SPSB1: variants seen among roughly 807,000 people sequenced by gnomAD.
The protein encoded by SPSB1 is splA/ryanodine receptor domain and SOCS box containing 1.
A neutral mutation model predicts 21.2 loss-of-function variants in SPSB1; 8 were observed. That is an observed-to-expected ratio of 0.38 (90% confidence interval 0.22 to 0.68). The LOEUF is 0.68. Ranked by LOEUF, SPSB1 falls within the 30% of genes least tolerant of loss-of-function variation. The probability of loss-of-function intolerance (pLI) is 0.53; values close to 1 mark genes in which losing one functional copy is unlikely to be tolerated. For synonymous variants in SPSB1, 169 were observed against 161.7 expected (o/e 1.05, Z -0.34); for missense variants, 242 against 377.8 (o/e 0.64, Z 2.98).
At chr1:9,335,148 C>A (rs4908846) in intron 1 of SPSB1, among the ~76,000 whole-genome samples, 59,529 of 150,806 alleles carry the variant, frequency 0.39, 12,585 homozygotes, top group Non-Finnish European at 0.5. Context: ...GTAAAATGCA[C>A]CATTTTGTAA....
intron 1 of SPSB1, among the ~76,000 whole-genome samples, chr1:9,320,040 A>G (rs916543587): frequency 1.3e-5 from 2 of 152,154 alleles, no homozygotes; most frequent in Non-Finnish European, 2.9e-5. Context: ...CCCCTGGGCC[A>G]GGTGACTCTT....
chr1:9,315,348 G>A (rs147049251), intron 1 of SPSB1, among the ~76,000 whole-genome samples: 8 of 152,346 alleles, frequency 5.3e-5, no homozygotes, highest in African/African-American at 1.4e-4. Flanking sequence ...GGAAGGCATC[G>A]CAGCAGCAGT....
intron 1 of SPSB1, 161 bp from the exon 2 acceptor site, chr1:9,355,582 A>T (rs759870520): frequency 2.0e-4 from 151 of 740,840 alleles, no homozygotes; most frequent in Non-Finnish European, 2.6e-4. Flanking sequence ...GGAACGGGGG[A>T]TTTCATTCTG....
At chr1:9,337,834 G>A (rs944686267) in intron 1 of SPSB1, among the ~76,000 whole-genome samples, 1 of 152,214 alleles carries the variant, frequency 6.6e-6, no homozygotes, top group Non-Finnish European at 1.5e-5. Flanking sequence ...CATGAAGCCA[G>A]GGCAGCTGCT....
chr1:9,308,203 G>T (rs757093127), intron 1 of SPSB1, among the ~76,000 whole-genome samples: 26 of 152,240 alleles, frequency 1.7e-4, no homozygotes, highest in Non-Finnish European at 1.8e-4. Context: ...GATGACAGAA[G>T]TGTGCTTAGG....
chr1:9,303,562 C>T (rs1003620576), intron 1 of SPSB1, among the ~76,000 whole-genome samples: 9 of 152,180 alleles, frequency 5.9e-5, no homozygotes, highest in Non-Finnish European at 1.0e-4. Flanking sequence ...TGTGTTGAGT[C>T]TATAGCAGTA....
intron 1 of SPSB1, among the ~76,000 whole-genome samples, chr1:9,302,042 C>T (rs1469560588): frequency 1.3e-5 from 2 of 152,240 alleles, no homozygotes; most frequent in Admixed American, 6.5e-5. Context: ...GAGCTCACTT[C>T]ACAACCAAGG....
At chr1:9,358,680 C>A (rs1640416987) in intron 2 of SPSB1, among the ~76,000 whole-genome samples, 1 of 152,212 alleles carries the variant, frequency 6.6e-6, no homozygotes, top group Non-Finnish European at 1.5e-5. Flanking sequence ...GATGAGGGGA[C>A]TGCCAGACCT....
At chr1:9,344,854 A>C (rs1640145589) in intron 1 of SPSB1, among the ~76,000 whole-genome samples, 1 of 151,776 alleles carries the variant, frequency 6.6e-6, no homozygotes, top group African/African-American at 2.4e-5. Context: ...CCTGCTGCTC[A>C]TTATCCCTGG....
rs372887775 is a variant in SPSB1, at chr1:9,293,975, AGT to A, written c.-150+914_-150+915del. On this transcript the variant is annotated intron_variant, in intron 1 of 2. Coordinates refer to ENST00000328089, the MANE Select transcript of SPSB1 (RefSeq NM_025106.4). This position sits in a 1 kb window ranked among gnomAD's most constrained non-coding sequence, Gnocchi z 5.1. ...GCATCTGTGTATTTATGTGCCTCTG[AGT>A]GTGTGTGTGAGTCTGTGTGTCTGTC... 1.0e-2 allele frequency among the ~76,000 whole-genome samples: 1,492 copies of A among 149,282 alleles called. 16 individuals are homozygous for A. Among genetic ancestry groups the A allele is most frequent in the Middle Eastern group, 0.045 (13 of 288 alleles).
At chr1:9,350,577 T>TGTGCATGTGTGTGCATGTAGGCATGC (rs1290795013) in intron 1 of SPSB1, among the ~76,000 whole-genome samples, 6 of 152,136 alleles carry the variant, frequency 3.9e-5, no homozygotes, top group African/African-American at 1.4e-4. Flanking sequence ...TGTACACGTG[T>TGTGCATGTGTGTGCATGTAGGCATGC]GTGCATGTGT....
At chr1:9,322,126 G>C (rs1240212267) in intron 1 of SPSB1, among the ~76,000 whole-genome samples, 1 of 152,154 alleles carries the variant, frequency 6.6e-6, no homozygotes, top group African/African-American at 2.4e-5. Flanking sequence ...ACATTCCCAG[G>C]ACTTAGCTCC....
Position 9,327,096 on chromosome 1 carries a change from C to G in SPSB1, c.-149-28647C>G, listed in dbSNP as rs114205027. Among the ~76,000 whole-genome samples, 788 of 152,232 alleles carry G rather than the reference C, an allele frequency of 5.2e-3. 7 individuals are homozygous for G. Among genetic ancestry groups the G allele is most frequent in the African/African-American group, 0.018 (745 of 41,534 alleles). Reference sequence around the variant, plus strand: ...TTCTTAGATGCATCTGCCGTCGTTTCGTGGGGAAGAGACTAGCACAACCCC... The same window carrying G: ...TTCTTAGATGCATCTGCCGTCGTTTGGTGGGGAAGAGACTAGCACAACCCC... On this transcript the variant is annotated intron_variant, in intron 1 of 2. Transcript: ENST00000328089.
At chr1:9,338,590 A>G (rs111396393) in intron 1 of SPSB1, among the ~76,000 whole-genome samples, 20 of 152,384 alleles carry the variant, frequency 1.3e-4, no homozygotes, top group African/African-American at 4.8e-4. Context: ...TGTTCATTTC[A>G]GGACAAGTTG....
intron 1 of SPSB1, among the ~76,000 whole-genome samples, chr1:9,343,930 C>T (rs965046520): frequency 1.3e-5 from 2 of 152,088 alleles, no homozygotes; most frequent in Admixed American, 6.6e-5. Flanking sequence ...GGACTAGAGG[C>T]GCCTGCCACC....
intron 1 of SPSB1, among the ~76,000 whole-genome samples, chr1:9,322,679 C>T (rs979338608): frequency 5.3e-5 from 8 of 152,166 alleles, no homozygotes; most frequent in African/African-American, 1.9e-4. Context: ...GGACCACCTG[C>T]AGGTTCCACT....
intron 1 of SPSB1, among the ~76,000 whole-genome samples, chr1:9,306,920 TTC>T (rs1193785162): frequency 4.0e-5 from 2 of 49,520 alleles, no homozygotes; most frequent in Non-Finnish European, 7.7e-5. Flanking sequence ...TTTACTTTTC[TTC>T]TTTTCTTCTT....
intron 2 of SPSB1, among the ~76,000 whole-genome samples, chr1:9,364,428 TG>T (rs1640525316): frequency 6.6e-6 from 1 of 152,174 alleles, no homozygotes; most frequent in South Asian, 2.1e-4. Flanking sequence ...GTCTTACAGA[TG>T]GGGAAACAAG....
Position 9,356,961 on chromosome 1 carries a change from CAGAT to C in SPSB1, c.694+377_694+380del, listed in dbSNP as rs58793866. Among the ~76,000 whole-genome samples, 4,365 of 152,092 alleles carry C rather than the reference CAGAT, an allele frequency of 0.029. 167 individuals carry two copies. Among genetic ancestry groups the C allele is most frequent in the African/African-American group, 0.088 (3,667 of 41,444 alleles). Reference sequence around the variant, plus strand: ...ATTGATAGATAAGTGGTTGAACAAACAGATGGATGGATGTGGGTGGATGGGTGGG... The same window carrying C: ...ATTGATAGATAAGTGGTTGAACAAACGGATGGATGTGGGTGGATGGGTGGG... On this transcript the variant is annotated intron_variant, in intron 2 of 2. Transcript: ENST00000328089. This position sits in a 1 kb window ranked among gnomAD's most constrained non-coding sequence, Gnocchi z 7.4.
Sources: gnomAD v4.1 joint callset for allele counts (sites outside exome capture counted in the v4.1 genomes callset) on GRCh38, gnomAD v4.1.1 for gene constraint, Gnocchi (gnomAD v3.1) non-coding constraint, MANE v1.5 for transcripts, NCBI Gene and HGNC (gene_info 2026-07-23, HGNC 2026-07-21) for gene names.